Variants in NCKAP5 observed in about 807,000 individuals in gnomAD.
The protein encoded by NCKAP5 is nck-associated protein 5.
In NCKAP5, 92 loss-of-function variants were observed where a neutral mutation model predicts 167.0. That is an observed-to-expected ratio of 0.55 (90% confidence interval 0.47 to 0.66). The LOEUF (loss-of-function observed/expected upper bound fraction) is 0.66, where lower values mean the gene tolerates loss of function less well. NCKAP5 is among the 30% of genes least tolerant of loss of function. The pLI is 0.00. For missense variants in NCKAP5, 2,378 were observed against 2,315.0 expected, an observed-to-expected ratio of 1.03 and a Z score of -0.56; for synonymous variants, 891 against 877.4, an observed-to-expected ratio of 1.02 and a Z score of -0.27.
intron 2 of NCKAP5, among the ~76,000 whole-genome samples, chr2:133,531,823 T>C (rs986765794): frequency 2.0e-5 from 3 of 152,200 alleles, no homozygotes; most frequent in African/African-American, 7.2e-5. Flanking sequence ...GCAACAGAGA[T>C]TCATGTACCT....
chr2:133,465,090 G>A (rs1692467258), intron 3 of NCKAP5, among the ~76,000 whole-genome samples: 1 of 151,234 alleles, frequency 6.6e-6, no homozygotes, highest in African/African-American at 2.4e-5. Context: ...CATGTGCCAT[G>A]CTGGTGTGCT....
chr2:133,094,864 G>A (rs929340183), intron 6 of NCKAP5, among the ~76,000 whole-genome samples: 3 of 152,122 alleles, frequency 2.0e-5, no homozygotes, highest in Non-Finnish European at 4.4e-5. Context: ...TTTGAAGATG[G>A]AACTGACCAT....
At chr2:132,734,587 T>C (rs778965349) in intron 16 of NCKAP5, among the ~76,000 whole-genome samples, 8 of 152,200 alleles carry the variant, frequency 5.3e-5, no homozygotes, top group Middle Eastern at 3.2e-3. Context: ...GGGCGCTTTT[T>C]CTTTTGAGAA....
chr2:132,974,863 A>C (rs2076934310), intron 7 of NCKAP5, among the ~76,000 whole-genome samples: 1 of 152,250 alleles, frequency 6.6e-6, no homozygotes, highest in African/African-American at 2.4e-5. Flanking sequence ...TGACACAATT[A>C]GTTCAAAACA....
intron 3 of NCKAP5, among the ~76,000 whole-genome samples, chr2:133,319,028 C>T (rs1005283908): frequency 6.6e-6 from 1 of 152,062 alleles, no homozygotes; most frequent in African/African-American, 2.4e-5. Flanking sequence ...AGGGGCCCAA[C>T]AATGTATGGT....
chr2:133,655,242 G>A, the NCKAP5 span, among the ~76,000 whole-genome samples: 2 of 152,144 alleles, frequency 1.3e-5, no homozygotes, highest in Admixed American at 6.5e-5. Context: ...ACATGCTGAT[G>A]TAGTCAACCA....
chr2:132,742,497 A>G (rs1679291700), intron 16 of NCKAP5, among the ~76,000 whole-genome samples: 1 of 151,950 alleles, frequency 6.6e-6, no homozygotes, highest in Non-Finnish European at 1.5e-5. Flanking sequence ...CACCCTATTC[A>G]TTATTGCTCT....
chr2:132,878,597 G>A (rs1000372936), intron 9 of NCKAP5, among the ~76,000 whole-genome samples: 1 of 149,624 alleles, frequency 6.7e-6, no homozygotes, highest in Non-Finnish European at 1.5e-5. Context: ...AGGAATTAGG[G>A]AGGGAGGGGG....
chr2:133,582,694 G>A, the NCKAP5 span, among the ~76,000 whole-genome samples: 1 of 152,194 alleles, frequency 6.6e-6, no homozygotes, highest in African/African-American at 2.4e-5. Context: ...AACCTAGCTT[G>A]TCTATTAGCG....
chr2:132,992,297 A>G lies in NCKAP5; in HGVS notation c.429+1855T>C, dbSNP rs147447654. ...AATAGTTTTAAAACACGTTTCTTAA[A>G]GCATATCTGTTTTTCTAAGCAGCTT... On this transcript the variant is annotated intron_variant, in intron 7 of 19. Coordinates refer to ENST00000409261, the MANE Select transcript of NCKAP5 (RefSeq NM_207363.3). Among the ~76,000 whole-genome samples the G allele has an allele frequency of 8.1e-3, 1,228 of 152,362 alleles. 14 individuals are homozygous for G. Among genetic ancestry groups the G allele is most frequent in the African/African-American group, 0.028 (1,150 of 41,594 alleles).
chr2:133,075,485 G>C (rs954884660), intron 6 of NCKAP5, among the ~76,000 whole-genome samples: 3 of 152,100 alleles, frequency 2.0e-5, no homozygotes, highest in Admixed American at 6.5e-5. Flanking sequence ...TTGAAAATAT[G>C]CTTGACTGTT....
At chr2:133,141,671 C>A (rs1009264060) in intron 5 of NCKAP5, among the ~76,000 whole-genome samples, 7 of 152,156 alleles carry the variant, frequency 4.6e-5, no homozygotes, top group Non-Finnish European at 8.8e-5. Context: ...ACTTTTTATT[C>A]ATTTGGAGAA....
intron 8 of NCKAP5, among the ~76,000 whole-genome samples, chr2:132,917,108 C>T (rs1333212159): frequency 6.6e-6 from 1 of 152,104 alleles, no homozygotes; most frequent in East Asian, 1.9e-4. Context: ...CTCTTAACAT[C>T]CCTTGTTTAC....
At chr2:133,374,015 C>A (rs754714791) in intron 3 of NCKAP5, among the ~76,000 whole-genome samples, 2 of 152,150 alleles carry the variant, frequency 1.3e-5, no homozygotes, top group Non-Finnish European at 2.9e-5. Flanking sequence ...TGGGTATTTA[C>A]CCAAAGGAAT....
intron 11 of NCKAP5, among the ~76,000 whole-genome samples, chr2:132,832,137 T>C (rs931554728): frequency 3.3e-5 from 5 of 152,130 alleles, no homozygotes; most frequent in South Asian, 4.1e-4. Flanking sequence ...TTCCAGTTCT[T>C]GTCAAAATCT....
the NCKAP5 span, among the ~76,000 whole-genome samples, chr2:133,589,199 G>A: frequency 3.9e-5 from 6 of 152,206 alleles, no homozygotes; most frequent in Non-Finnish European, 5.9e-5. Context: ...GAGTGACATG[G>A]CTCTGGCCAT....
chr2:132,737,805 T>C (rs1691658230), intron 16 of NCKAP5, among the ~76,000 whole-genome samples: 1 of 152,198 alleles, frequency 6.6e-6, no homozygotes, highest in Non-Finnish European at 1.5e-5. Flanking sequence ...AAATAAATGT[T>C]ATTAGACTGT....
chr2:133,227,168 G>GT (rs1056816738), intron 4 of NCKAP5, among the ~76,000 whole-genome samples: 6 of 152,116 alleles, frequency 3.9e-5, no homozygotes, highest in Non-Finnish European at 7.3e-5. Flanking sequence ...TGCAAAGTGG[G>GT]TTTTTTTCCA....
chr2:133,082,936 C>T (rs1254797457), intron 6 of NCKAP5, among the ~76,000 whole-genome samples: 2 of 152,052 alleles, frequency 1.3e-5, no homozygotes, highest in African/African-American at 2.4e-5. Flanking sequence ...TATGCAAATG[C>T]CACATCCCAC....
Sources: allele counts gnomAD v4.1 joint callset (sites outside exome capture counted in the v4.1 genomes callset), GRCh38; gene constraint gnomAD v4.1.1; transcripts MANE v1.5; gene names NCBI Gene and HGNC (gene_info 2026-07-23, HGNC 2026-07-21).